VPS13A: variants seen among roughly 807,000 people sequenced by gnomAD.
VPS13A encodes the protein vacuolar protein sorting 13 homolog A.
In VPS13A, 264 loss-of-function variants were observed where a neutral mutation model predicts 390.9. That is an observed-to-expected ratio of 0.68 (90% CI 0.61 to 0.75). The LOEUF is 0.75. Among genes scored for constraint, VPS13A ranks in the 30% least tolerant of loss-of-function variants. The probability of loss-of-function intolerance (pLI) is 0.00; values close to 1 mark genes in which losing one functional copy is unlikely to be tolerated. For synonymous variants in VPS13A, 1,231 were observed against 1,227.1 expected (o/e 1.00, Z -0.07); for missense variants, 3,409 against 3,733.9 (o/e 0.91, Z 2.27).
intron 50 of VPS13A, among the ~76,000 whole-genome samples, chr9:77,342,039 G>A (rs149164156): frequency 1.3e-5 from 2 of 152,188 alleles, no homozygotes; most frequent in Non-Finnish European, 2.9e-5. Context: ...TCAAGAGCCA[G>A]GGGTGGTCTC....
chr9:77,215,831 C>CT (rs935346261), intron 10 of VPS13A, among the ~76,000 whole-genome samples: 6 of 152,230 alleles, frequency 3.9e-5, no homozygotes, highest in African/African-American at 1.4e-4. Context: ...CTCTCTGGAA[C>CT]TTTCTGGAAA....
At chr9:77,227,557 C>G (rs1823585828) in intron 16 of VPS13A, 72 bp downstream of exon 16, 4 of 1,242,486 alleles carry the variant, frequency 3.2e-6, no homozygotes, top group Non-Finnish European at 4.6e-6. Context: ...GGGTCTCACT[C>G]TGTTGCCCAG....
At chr9:77,358,284 C>A (rs1831934763) in intron 56 of VPS13A, 73 bp from the exon 57 acceptor site, 1 of 1,313,378 alleles carries the variant, frequency 7.6e-7, no homozygotes, top group Non-Finnish European at 1.1e-6. Flanking sequence ...TCTTTTTGTT[C>A]CTCAAATCCT....
intron 22 of VPS13A, among the ~76,000 whole-genome samples, chr9:77,256,470 A>T (rs1381160639): frequency 6.6e-6 from 1 of 152,048 alleles, no homozygotes; most frequent in Non-Finnish European, 1.5e-5. Flanking sequence ...ATTTTCCTGG[A>T]TGGAGTGTTC....
chr9:77,363,057 G>T (rs73654021), intron 59 of VPS13A, among the ~76,000 whole-genome samples: 1 of 151,988 alleles, frequency 6.6e-6, no homozygotes, highest in African/African-American at 2.4e-5. Context: ...TGAGAGGAGA[G>T]GTAGTTTTAC....
intron 13 of VPS13A, among the ~76,000 whole-genome samples, chr9:77,223,584 C>T (rs190684420): frequency 7.2e-5 from 11 of 152,244 alleles, no homozygotes; most frequent in Non-Finnish European, 1.5e-4. Flanking sequence ...TCCTCTAAGC[C>T]TTATCCAGTG....
chr9:77,369,928 AT>A (rs1448704466), intron 63 of VPS13A, among the ~76,000 whole-genome samples: 1 of 152,230 alleles, frequency 6.6e-6, no homozygotes, highest in East Asian at 1.9e-4. Context: ...TTTATTTGAA[AT>A]TTTTATTAAA....
chr9:77,206,620 T>G (rs1459645393), intron 5 of VPS13A, among the ~76,000 whole-genome samples: 1 of 152,136 alleles, frequency 6.6e-6, no homozygotes, highest in Non-Finnish European at 1.5e-5. Flanking sequence ...CCTGAAGAAA[T>G]CTAATTCCTT....
At chr9:77,269,490 T>A (rs1354642800) in intron 23 of VPS13A, among the ~76,000 whole-genome samples, 1 of 152,214 alleles carries the variant, frequency 6.6e-6, no homozygotes, top group Admixed American at 6.5e-5. Context: ...GTCCTCCAAC[T>A]TTTTGTATTT....
chr9:77,214,393 A>T lies in VPS13A; in HGVS notation c.754+7A>T. 1.9e-6 allele frequency: 3 copies of T among 1,607,814 alleles called. No homozygotes were observed. The highest frequency in any genetic ancestry group is 2.6e-6 in the Non-Finnish European group (3 of 1,174,576). ...CCAGAAGGTTATGATTTTGGTAAGT[A>T]CATTTTATAAGATAAAAAAAGTAGT... On this transcript the variant is annotated splice_region_variant and intron_variant, in intron 10 of 71. Transcript: ENST00000360280.
In VPS13A at chr9:77,416,134, A is replaced by G; in HGVS notation, c.*128A>G. 8.9e-7 allele frequency: 1 copy of G among 1,120,286 alleles called. No homozygotes were observed. Among genetic ancestry groups the G allele is most frequent in the Non-Finnish European group, 1.3e-6 (1 of 767,684 alleles). 69.4% of individuals were successfully genotyped at this position (1,120,286 alleles called of 1,614,324 possible). On this transcript the variant is annotated 3_prime_UTR_variant, in exon 72 of 72. Transcript: ENST00000360280. ...CCCTGTATTCTGGATGCTAAAAAAC[A>G]AAAACAAACAAAAAAACAAAAACAA...
rs182627763 is a variant in VPS13A at position 77,335,762 on chromosome 9, A to C, written c.6096-1493A>C. On this transcript the variant is annotated intron_variant, in intron 46 of 71. Coordinates refer to ENST00000360280, the MANE Select transcript of VPS13A (RefSeq NM_033305.3). ...GCTTTTACACTTTTGGTGGTAGTGT[A>C]AATTAGTTCAAGCATTGTGGAAGAC... 5.9e-5 allele frequency among the ~76,000 whole-genome samples: 9 copies of C among 152,358 alleles called. No individual in the cohort carries two copies. In the East Asian group the frequency reaches 1.7e-3, roughly 29 times the overall value.
chr9:77,343,863 A>C lies in VPS13A; in HGVS notation c.7027-290A>C, dbSNP rs573953498. ...GCTCAGGTTTCTTGCTGATTTTTCA[A>C]CCCTTCTCTGTAAGATCATGACCAC... On this transcript the variant is annotated intron_variant, in intron 50 of 71. Coordinates refer to ENST00000360280, the MANE Select transcript of VPS13A (RefSeq NM_033305.3). Among the ~76,000 whole-genome samples, 7 of 152,076 alleles carry C rather than the reference A, an allele frequency of 4.6e-5. No homozygotes were observed. The East Asian group carries it at 1.2e-3, about 25-fold the overall frequency.
intron 42 of VPS13A, among the ~76,000 whole-genome samples, chr9:77,320,030 T>C (rs73654011): frequency 0.013 from 1,904 of 152,266 alleles, 40 homozygotes; most frequent in African/African-American, 0.044. Flanking sequence ...ATGCTTCTAA[T>C]ACAATTATGT....
At chr9:77,386,487 G>A (rs1478502305) in intron 68 of VPS13A, among the ~76,000 whole-genome samples, 5 of 114,078 alleles carry the variant, frequency 4.4e-5, no homozygotes, top group Non-Finnish European at 7.5e-5. Context: ...CATTCCTTAA[G>A]AATTTATCGG....
intron 71 of VPS13A, among the ~76,000 whole-genome samples, chr9:77,412,032 A>C (rs547986096): frequency 2.6e-5 from 4 of 152,308 alleles, no homozygotes; most frequent in Non-Finnish European, 4.4e-5. Flanking sequence ...CACCCTCCCA[A>C]GACTAAAGCA....
At chr9:77,234,569 T>C (rs1824025009) in intron 17 of VPS13A, among the ~76,000 whole-genome samples, 2 of 152,226 alleles carry the variant, frequency 1.3e-5, no homozygotes, top group Non-Finnish European at 2.9e-5. Context: ...TAGTCATAAG[T>C]TGAGGAGCAT....
At chr9:77,401,865 C>T (rs1164927636) in intron 68 of VPS13A, among the ~76,000 whole-genome samples, 1 of 152,172 alleles carries the variant, frequency 6.6e-6, no homozygotes, top group Non-Finnish European at 1.5e-5. Context: ...CCTTTTATTA[C>T]AGTATAATTG....
At chr9:77,234,232 G>A (rs572118629) in intron 17 of VPS13A, among the ~76,000 whole-genome samples, 2 of 152,222 alleles carry the variant, frequency 1.3e-5, no homozygotes, top group African/African-American at 4.8e-5. Context: ...CTTGAGTGCA[G>A]TGGTGTAGTT....
Sources: gnomAD v4.1 joint callset for allele counts (sites outside exome capture counted in the v4.1 genomes callset) on GRCh38, gnomAD v4.1.1 for gene constraint, MANE v1.5 for transcripts, NCBI Gene and HGNC (gene_info 2026-07-23, HGNC 2026-07-21) for gene names.